PHF12: variants seen among roughly 807,000 people sequenced by gnomAD.
The protein encoded by PHF12 is PHD factor 1.
A neutral mutation model predicts 99.8 loss-of-function variants in PHF12; 6 were observed. The observed-to-expected ratio is 0.06, with a 90% CI of 0.03 to 0.12. PHF12 has a LOEUF of 0.12. PHF12 is among the 10% of genes least tolerant of loss of function. The probability of loss-of-function intolerance (pLI) is 1.00; values close to 1 mark genes in which losing one functional copy is unlikely to be tolerated. For missense variants in PHF12, 954 were observed against 1,300.1 expected (o/e 0.73, Z 4.09); for synonymous variants, 480 against 514.9 (o/e 0.93, Z 0.92).
In PHF12 at chr17:28,950,048, G is replaced by A. The variant is rs1598169185; in HGVS notation, c.248+17C>T. The A allele has an allele frequency of 6.3e-7, 1 of 1,575,034 alleles. No homozygotes were observed. The highest frequency in any genetic ancestry group is 8.6e-7 in the Non-Finnish European group (1 of 1,157,192). Reference sequence around the variant, plus strand: ...AAGGGTCCGCCAAGAAGCTCCAAAAGGGTCCCCAGACCTTACCAGCACTGG... The same window carrying A: ...AAGGGTCCGCCAAGAAGCTCCAAAAAGGTCCCCAGACCTTACCAGCACTGG... On this transcript the variant is annotated intron_variant, in intron 2 of 14. Transcript: ENST00000332830. This position sits in a 1 kb window ranked among gnomAD's most constrained non-coding sequence, Gnocchi z 5.7.
chr17:28,932,052 G>A (rs1049685937), intron 2 of PHF12, among the ~76,000 whole-genome samples: 2 of 152,172 alleles, frequency 1.3e-5, no homozygotes, highest in African/African-American at 4.8e-5. Context: ...CCATCATAAA[G>A]CTTTCTCATG....
In PHF12 at chr17:28,951,174, C is replaced by T; in HGVS notation, c.-214G>A. The T allele has an allele frequency of 7.0e-7, 1 of 1,418,572 alleles. No homozygotes were observed. 87.9% of individuals were successfully genotyped at this position (1,418,572 alleles called of 1,614,324 possible). A position where few individuals can be genotyped will look rare whatever the true frequency, so the allele number is the denominator to read the frequency against. On this transcript the variant is annotated 5_prime_UTR_variant, in exon 1 of 15. Transcript: ENST00000332830. ...GGGCCGCGAGGGGGGAGCGGCCCCTCAGTCCCGGCCCGGCTGCTGGCTGCA... is the reference window on the plus strand; with the variant it reads ...GGGCCGCGAGGGGGGAGCGGCCCCTTAGTCCCGGCCCGGCTGCTGGCTGCA...
Position 28,907,687 on chromosome 17 carries a change from G to A in PHF12, c.2459-15C>T, listed in dbSNP as rs928377136. The stretch of plus-strand genomic sequence containing the variant: ...CATGTCAGCTCCTGCAAGGTGGCAG[G>A]AGTAGAGGAAAAGGAAGGCAGAGAA... On this transcript the variant is annotated splice_polypyrimidine_tract_variant and intron_variant, in intron 12 of 14. Coordinates refer to ENST00000332830, the MANE Select transcript of PHF12 (RefSeq NM_001033561.2). 1.9e-5 allele frequency: 31 copies of A among 1,611,740 alleles called. No individual in the cohort carries two copies. Among genetic ancestry groups the A allele is most frequent in the Admixed American group, 1.7e-4 (10 of 59,994 alleles).
rs1230208386 is a variant in PHF12 at position 28,919,208 on chromosome 17, C to T, written c.904G>A (p.Glu302Lys). Residue 302 changes from glutamate to lysine, a missense_variant, in exon 6 of 15, where the codon GAG (glutamate) becomes AAG (lysine). Around this residue, in one of 8 missense-constraint regions of PHF12, gnomAD observed 85 missense variants for 196.6 expected, o/e 0.43. Coordinates refer to ENST00000332830, the MANE Select transcript of PHF12 (RefSeq NM_001033561.2). ...CPLLFHMDCL[E>K]PPLTAMPLGR... Reference sequence around the variant, plus strand: ...AGGGGCATGGCAGTGAGCGGCGGCTCGAGGCAATCCATGTGAAACAGGAGA... The same window carrying T: ...AGGGGCATGGCAGTGAGCGGCGGCTTGAGGCAATCCATGTGAAACAGGAGA... 6.2e-6 allele frequency: 10 copies of T among 1,614,102 alleles called. No homozygotes were observed. The highest frequency in any genetic ancestry group is 8.5e-6 in the Non-Finnish European group (10 of 1,180,016).
chr17:28,942,324 A>G (rs543466669), intron 2 of PHF12, among the ~76,000 whole-genome samples: 140 of 152,072 alleles, frequency 9.2e-4, no homozygotes, highest in Middle Eastern at 6.8e-3. Flanking sequence ...GTTCGAGAAC[A>G]GCCTGGGTAA....
intron 9 of PHF12, 178 bp from the exon 10 acceptor site, chr17:28,911,415 G>A (rs753580831): frequency 3.8e-5 from 30 of 784,414 alleles, no homozygotes; most frequent in Non-Finnish European, 5.5e-5. Context: ...AGGGCAGATG[G>A]AACGACAAAG....
intron 2 of PHF12, among the ~76,000 whole-genome samples, chr17:28,932,596 C>T (rs150026372): frequency 1.0e-3 from 153 of 152,298 alleles, no homozygotes; most frequent in Non-Finnish European, 1.3e-3. Context: ...ATTCTGCAGC[C>T]TCACGGTACT....
intron 13 of PHF12, 78 bp from the exon 14 acceptor site, chr17:28,907,072 G>A: frequency 6.8e-7 from 1 of 1,478,588 alleles, no homozygotes; most frequent in Admixed American, 2.0e-5. Flanking sequence ...GACATATGGA[G>A]AAGGCCGTGC....
At chr17:28,908,742 G>A in intron 12 of PHF12, 41 bp downstream of exon 12, 1 of 1,593,072 alleles carries the variant, frequency 6.3e-7, no homozygotes. Flanking sequence ...CTTTAGGGCT[G>A]AACAGATTCA....
Position 28,950,812 on chromosome 17 carries a change from G to A in PHF12, c.66+83C>T. On this transcript the variant is annotated intron_variant, in intron 1 of 14. Transcript: ENST00000332830. This position sits in a 1 kb window ranked among gnomAD's most constrained non-coding sequence, Gnocchi z 5.7. ...CCTCCCTCGGCCATCTAGGCGCTTC[G>A]AGTTTAGGACTGGCTTTGTGGGGCG... The A allele has an allele frequency of 6.4e-7, 1 of 1,555,776 alleles. No homozygotes were observed. Among genetic ancestry groups the A allele is most frequent in the Non-Finnish European group, 8.7e-7 (1 of 1,145,500 alleles).
chr17:28,931,536 C>T lies in PHF12; in HGVS notation c.249-4473G>A, dbSNP rs545036139. The stretch of plus-strand genomic sequence containing the variant: ...CCTCCCAAAGTACTGGGATTACAGG[C>T]GTGAGCCACTGCACCTGGCTGAGGC... On this transcript the variant is annotated intron_variant, in intron 2 of 14. Coordinates refer to ENST00000332830, the MANE Select transcript of PHF12 (RefSeq NM_001033561.2). Among the ~76,000 whole-genome samples the T allele has an allele frequency of 1.0e-3, 150 of 149,548 alleles. 1 individual carries two copies. The highest frequency in any genetic ancestry group is 3.5e-3 in the African/African-American group (141 of 40,626).
intron 2 of PHF12, among the ~76,000 whole-genome samples, chr17:28,937,415 A>C (rs1275685045): frequency 1.3e-5 from 2 of 152,228 alleles, no homozygotes; most frequent in African/African-American, 4.8e-5. Flanking sequence ...CACTAATGCC[A>C]CAAAGTACAT....
chr17:28,916,252 T>C (rs1261965694), intron 7 of PHF12, among the ~76,000 whole-genome samples: 1 of 152,190 alleles, frequency 6.6e-6, no homozygotes, highest in African/African-American at 2.4e-5. Context: ...CGGAGTGCAA[T>C]GGCGCGATCT....
In PHF12 at chr17:28,905,959, A is replaced by C. The variant is rs2039864366; in HGVS notation, c.*224T>G. On this transcript the variant is annotated 3_prime_UTR_variant, in exon 15 of 15. Coordinates refer to ENST00000332830, the MANE Select transcript of PHF12 (RefSeq NM_001033561.2). ...CTCAGCTCAGGTCTGCCGCTTTCCC[A>C]TGAAATGTTGAGTACAAATATATGT... is the stretch of plus-strand genomic sequence containing the variant. 2.1e-6 allele frequency: 1 copy of C among 475,082 alleles called. No homozygotes were observed. Among genetic ancestry groups the C allele is most frequent in the Non-Finnish European group, 3.6e-6 (1 of 277,570 alleles). The allele number at this position is 475,082 out of a possible 1,614,324, so 29.4% of individuals were successfully genotyped here.
intron 4 of PHF12, among the ~76,000 whole-genome samples, chr17:28,923,076 A>G (rs1183235378): frequency 6.6e-6 from 1 of 152,102 alleles, no homozygotes; most frequent in African/African-American, 2.4e-5. Context: ...ATTAATATGA[A>G]AAGACTTCTA....
At chr17:28,911,959 A>C (rs2039968827) in intron 9 of PHF12, among the ~76,000 whole-genome samples, 1 of 152,188 alleles carries the variant, frequency 6.6e-6, no homozygotes, top group African/African-American at 2.4e-5. Flanking sequence ...TGGGCATCCC[A>C]CTCTACAGCT....
rs919694162 is a variant in PHF12 at position 28,950,189 on chromosome 17, T to G, written c.124A>C (p.Lys42Gln). The G allele has an allele frequency of 6.2e-7, 1 of 1,613,146 alleles. No individual in the cohort carries two copies. The highest frequency in any genetic ancestry group is 8.5e-7 in the Non-Finnish European group (1 of 1,179,916). ...KTDEAEKRSR[K>Q]PEKEPRRSGR... is the part of the protein sequence containing the mutation. ...CTTCTCCGGGGCTCCTTCTCAGGCT[T>G]CCGACTGCGCTTTTCTGCCTCGTCC... is the stretch of plus-strand genomic sequence containing the variant. Residue 42 changes from lysine to glutamine, a missense_variant, in exon 2 of 15, where the codon AAG becomes CAG. By Grantham distance (53) the Lys-to-Gln change is moderately conservative. Around this residue, in one of 8 missense-constraint regions of PHF12, gnomAD observed 66 missense variants for 69.4 expected, o/e 0.95. Transcript: ENST00000332830. This position sits in a 1 kb window ranked among gnomAD's most constrained non-coding sequence, Gnocchi z 5.7.
At chr17:28,941,946 A>C (rs1452211810) in intron 2 of PHF12, among the ~76,000 whole-genome samples, 1 of 152,170 alleles carries the variant, frequency 6.6e-6, no homozygotes, top group African/African-American at 2.4e-5. Flanking sequence ...CAAGTATGAG[A>C]AGTGCTCAAA....
chr17:28,950,260 C>T lies in PHF12; in HGVS notation c.67-14G>A. The T allele has an allele frequency of 6.2e-7, 1 of 1,602,798 alleles. No homozygotes were observed. Among genetic ancestry groups the T allele is most frequent in the African/African-American group, 1.3e-5 (1 of 74,728 alleles). ...AGCTTGGATTTGCTGCACACACATA[C>T]AAACGGCGTGTGTGCACACTCGGAG... On this transcript the variant is annotated splice_polypyrimidine_tract_variant and intron_variant, in intron 1 of 14. Coordinates refer to ENST00000332830, the MANE Select transcript of PHF12 (RefSeq NM_001033561.2). This position sits in a 1 kb window ranked among gnomAD's most constrained non-coding sequence, Gnocchi z 5.7.
Sources: allele counts gnomAD v4.1 joint callset (sites outside exome capture counted in the v4.1 genomes callset), GRCh38; gene constraint gnomAD v4.1.1; regional missense constraint gnomAD v4.1.1; non-coding constraint Gnocchi (gnomAD v3.1); transcripts MANE v1.5; gene names NCBI Gene and HGNC (gene_info 2026-07-23, HGNC 2026-07-21).